SMC6: variants seen among roughly 807,000 people sequenced by gnomAD.
SMC6 encodes structural maintenance of chromosomes 6.
A neutral mutation model predicts 142.2 loss-of-function variants in SMC6; 79 were observed. The ratio of observed to expected loss-of-function variants is 0.56; its 90% CI spans 0.46 to 0.67. SMC6 has a LOEUF of 0.67. SMC6 is among the 30% of genes least tolerant of loss of function. The pLI, the probability that SMC6 is intolerant of heterozygous loss-of-function variation, is 0.00. For missense variants in SMC6, 1,072 were observed against 1,284.0 expected, an observed-to-expected ratio of 0.83 and a Z score of 2.52; for synonymous variants, 411 against 412.4, an observed-to-expected ratio of 1.00 and a Z score of 0.04.
At chr2:17,712,210 G>A (rs11693228) in intron 16 of SMC6, among the ~76,000 whole-genome samples, 10,405 of 152,256 alleles carry the variant, frequency 0.068, 511 homozygotes, top group Non-Finnish European at 0.1. Flanking sequence ...TAACATTTAG[G>A]AACCAAGAGT....
At chr2:17,670,349 G>C in intron 26 of SMC6, 74 bp downstream of exon 26, 1 of 1,473,762 alleles carries the variant, frequency 6.8e-7, no homozygotes, top group East Asian at 2.5e-5. Context: ...ACTAAAGAAA[G>C]ATTTCCTTCC....
intron 23 of SMC6, among the ~76,000 whole-genome samples, chr2:17,689,993 C>T (rs528665622): frequency 4.5e-4 from 68 of 152,208 alleles, no homozygotes; most frequent in African/African-American, 1.6e-3. Flanking sequence ...GGATGCATGT[C>T]TATGGCAATT....
chr2:17,706,481 T>C (rs1210820283), intron 18 of SMC6, among the ~76,000 whole-genome samples: 4 of 151,748 alleles, frequency 2.6e-5, no homozygotes. Context: ...AAAACTCTCA[T>C]TTCCCCTACA....
chr2:17,744,715 T>C (rs13427926), intron 3 of SMC6, among the ~76,000 whole-genome samples: 5,462 of 152,292 alleles, frequency 0.036, 278 homozygotes, highest in African/African-American at 0.11. Flanking sequence ...CTGTCAGTTT[T>C]TTTGTGAGTG....
chr2:17,678,606 GAA>G (rs544540923), intron 25 of SMC6, among the ~76,000 whole-genome samples: 17 of 124,304 alleles, frequency 1.4e-4, no homozygotes, highest in Admixed American at 1.6e-4. Context: ...TGTCTATACG[GAA>G]AAAAAAAAAA....
chr2:17,742,167 T>A (rs9808390), intron 3 of SMC6, among the ~76,000 whole-genome samples: 2,769 of 152,300 alleles, frequency 0.018, 84 homozygotes, highest in African/African-American at 0.064. Flanking sequence ...GAATCCCCTT[T>A]GTTGAGAACT....
chr2:17,689,174 C>T (rs1257663733), intron 23 of SMC6, among the ~76,000 whole-genome samples: 1 of 152,120 alleles, frequency 6.6e-6, no homozygotes, highest in Non-Finnish European at 1.5e-5. Flanking sequence ...AGATTATGTG[C>T]CTCTGGATGT....
In SMC6 at chr2:17,745,903, G is replaced by A. The variant is rs1446533648; in HGVS notation, c.44C>T (p.Ala15Val). The A allele has an allele frequency of 6.2e-7, 1 of 1,610,992 alleles. No individual in the cohort carries two copies. Among genetic ancestry groups the A allele is most frequent in the African/African-American group, 1.3e-5 (1 of 74,772 alleles). The change falls in exon 3 of 28, where the codon GCC becomes GTC. Residue 15 changes from alanine (A) to valine (V), a missense_variant. Ala to Val is a moderately conservative substitution (Grantham distance 64). Around this residue, in one of 3 missense-constraint regions of SMC6, gnomAD observed 994 missense variants for 1,153.2 expected, o/e 0.86. Transcript: ENST00000448223. ...KEENFSSPKN[A>V]KRPRQEELED... is the part of the protein sequence containing the mutation. ...CAATTCTTCTTGTCTTGGCCTTTTGGCATTTTTAGGAGAGGAAAAATTTTC... is the reference window on the plus strand; with the variant it reads ...CAATTCTTCTTGTCTTGGCCTTTTGACATTTTTAGGAGAGGAAAAATTTTC...
chr2:17,746,578 C>T (rs1045918396), intron 2 of SMC6, among the ~76,000 whole-genome samples: 1 of 151,416 alleles, frequency 6.6e-6, no homozygotes, highest in African/African-American at 2.4e-5. Context: ...CAGTGGTTTC[C>T]TTTAACTCTT....
Position 17,716,199 on chromosome 2 carries a change from T to A in SMC6, c.1412A>T (p.Asp471Val). 1 of 1,612,682 alleles carries A rather than the reference T, an allele frequency of 6.2e-7. No individual in the cohort carries two copies. The highest frequency in any genetic ancestry group is 8.5e-7 in the Non-Finnish European group (1 of 1,179,596). Residue 471 changes from aspartate to valine, a missense_variant, in exon 15 of 28, where the codon GAT (aspartate) becomes GTT (valine). Transcript: ENST00000448223. Reference sequence around the variant, plus strand: ...TCTTTTGAGTCGATCAGTTTTACTATCTTTCAATTCTTTCAGTTGCCTCTG... The same window carrying A: ...TCTTTTGAGTCGATCAGTTTTACTAACTTTCAATTCTTTCAGTTGCCTCTG... ...YNQRQLKELKDSKTDRLKRFG... is the reference protein window; with the variant it reads ...YNQRQLKELKVSKTDRLKRFG...
At chr2:17,747,633 G>A (rs1199786630) in intron 2 of SMC6, among the ~76,000 whole-genome samples, 2 of 151,334 alleles carry the variant, frequency 1.3e-5, no homozygotes, top group Admixed American at 1.3e-4. Context: ...AGCCTCCCAC[G>A]TAGCTGGGAT....
At chr2:17,699,157 T>C (rs1409519041) in intron 21 of SMC6, among the ~76,000 whole-genome samples, 1 of 152,120 alleles carries the variant, frequency 6.6e-6, no homozygotes, top group East Asian at 1.9e-4. Context: ...CCCCCTTTTA[T>C]TTTTCCTAAC....
intron 5 of SMC6, 116 bp from the exon 6 acceptor site, chr2:17,731,993 A>G: frequency 9.9e-7 from 1 of 1,011,944 alleles, no homozygotes; most frequent in East Asian, 2.6e-5. Flanking sequence ...TTCATTTGCA[A>G]ATTAGATTTA....
At chr2:17,742,346 CTT>C (rs1670515468) in intron 3 of SMC6, among the ~76,000 whole-genome samples, 2 of 152,164 alleles carry the variant, frequency 1.3e-5, no homozygotes, top group Non-Finnish European at 2.9e-5. Flanking sequence ...CTTCTTGTGA[CTT>C]TGTCACTTAT....
rs550581111 is a variant in SMC6, at chr2:17,729,978, C to T, written c.543+1100G>A. On this transcript the variant is annotated intron_variant, in intron 7 of 27. Transcript: ENST00000448223. ...CCAAACTGGAAAAGAGACCCAGACC[C>T]CTAATTGTTCTTTTTATTTGATGGC... Among the ~76,000 whole-genome samples, 6 of 152,216 alleles carry T rather than the reference C, an allele frequency of 3.9e-5. No homozygotes were observed. In the East Asian group the frequency reaches 9.7e-4, roughly 25 times the overall value.
At chr2:17,696,811 G>A (rs957491879) in intron 21 of SMC6, among the ~76,000 whole-genome samples, 10 of 152,106 alleles carry the variant, frequency 6.6e-5, no homozygotes, top group African/African-American at 1.4e-4. Context: ...AAAATTTAAC[G>A]CTGATTTATT....
intron 24 of SMC6, chr2:17,681,241 G>C (rs1329604037): frequency 6.6e-6 from 1 of 152,224 alleles, no homozygotes. Flanking sequence ...TCTGGATTAG[G>C]TTTTGACTTA....
intron 4 of SMC6, among the ~76,000 whole-genome samples, chr2:17,739,566 A>G (rs1349030108): frequency 6.6e-6 from 1 of 151,974 alleles, no homozygotes; most frequent in Non-Finnish European, 1.5e-5. Flanking sequence ...GATTACTTGA[A>G]CCTGGGAGGT....
chr2:17,746,586 C>G (rs1670754209), intron 2 of SMC6, among the ~76,000 whole-genome samples: 1 of 151,106 alleles, frequency 6.6e-6, no homozygotes, highest in African/African-American at 2.5e-5. Context: ...TCCTTTAACT[C>G]TTCCCTAAAA....
Sources: gnomAD v4.1 joint callset for allele counts (sites outside exome capture counted in the v4.1 genomes callset) on GRCh38, gnomAD v4.1.1 for gene constraint, gnomAD v4.1.1 regional missense constraint, MANE v1.5 for transcripts, NCBI Gene and HGNC (gene_info 2026-07-23, HGNC 2026-07-21) for gene names.